The following CDH20 variants were observed in gnomAD, a reference collection of about 807,000 sequenced individuals.
CDH20 encodes the protein cadherin 20.
CDH20 carries 29 observed loss-of-function variants against 74.2 expected under a neutral mutation model. That is an observed-to-expected ratio of 0.39 (90% CI 0.29 to 0.53). The LOEUF is 0.53. CDH20 is among the 20% of genes least tolerant of loss of function. The probability of loss-of-function intolerance (pLI) is 0.69; values close to 1 mark genes in which losing one functional copy is unlikely to be tolerated. For missense variants in CDH20, 988 were observed against 1,048.3 expected (o/e 0.94, Z 0.79); for synonymous variants, 469 against 405.4 (o/e 1.16, Z -1.88).
chr18:61,475,067 G>GA (rs138575370), intron 1 of CDH20, among the ~76,000 whole-genome samples: 1,912 of 152,234 alleles, frequency 0.013, 44 homozygotes, highest in African/African-American at 0.044. Flanking sequence ...ATCCATTAGA[G>GA]ACGTTTAGCA....
At chr18:61,359,025 C>T (rs901929236) in intron 1 of CDH20, among the ~76,000 whole-genome samples, 2 of 152,086 alleles carry the variant, frequency 1.3e-5, no homozygotes, top group Non-Finnish European at 2.9e-5. Context: ...TAAGTAGTTC[C>T]TCACAAACAT....
intron 1 of CDH20, among the ~76,000 whole-genome samples, chr18:61,362,191 A>C (rs1910715358): frequency 6.6e-6 from 1 of 152,228 alleles, no homozygotes; most frequent in Non-Finnish European, 1.5e-5. Context: ...AAAATCTAAC[A>C]ACATAGGAAC....
At chr18:61,344,597 T>C (rs1197233055) in intron 1 of CDH20, among the ~76,000 whole-genome samples, 2 of 152,230 alleles carry the variant, frequency 1.3e-5, no homozygotes, top group African/African-American at 4.8e-5. Flanking sequence ...AATTATTTGC[T>C]GCTTTCTGTT....
At chr18:61,366,052 T>C (rs954815923) in intron 1 of CDH20, among the ~76,000 whole-genome samples, 2 of 152,236 alleles carry the variant, frequency 1.3e-5, no homozygotes, top group Admixed American at 1.3e-4. Flanking sequence ...ATGCATTATC[T>C]AATTTGATTT....
intron 1 of CDH20, among the ~76,000 whole-genome samples, chr18:61,425,642 G>A (rs1474495242): frequency 6.6e-6 from 1 of 152,120 alleles, no homozygotes; most frequent in East Asian, 1.9e-4. Flanking sequence ...CTTATAAGTG[G>A]GAGCTAAGCT....
intron 1 of CDH20, among the ~76,000 whole-genome samples, chr18:61,404,508 C>T (rs1345372410): frequency 6.6e-6 from 1 of 152,088 alleles, no homozygotes; most frequent in Non-Finnish European, 1.5e-5. Context: ...CAGAGTAGAT[C>T]TGTAGGGAGC....
intron 7 of CDH20, 51 bp from the exon 8 acceptor site, chr18:61,536,442 G>C (rs754067410): frequency 1.9e-6 from 3 of 1,541,542 alleles, no homozygotes; most frequent in Non-Finnish European, 2.7e-6. Flanking sequence ...GTGGTATGCT[G>C]TCATATGCTT....
At chr18:61,497,144 C>G (rs188717854) in intron 2 of CDH20, among the ~76,000 whole-genome samples, 2 of 147,230 alleles carry the variant, frequency 1.4e-5, no homozygotes, top group Non-Finnish European at 3.0e-5. Context: ...ATACTGTATA[C>G]GAAATGAGGA....
At chr18:61,378,467 C>T (rs945527833) in intron 1 of CDH20, among the ~76,000 whole-genome samples, 13 of 152,296 alleles carry the variant, frequency 8.5e-5, no homozygotes, top group Admixed American at 2.0e-4. Flanking sequence ...AGGCATCCAA[C>T]GGATTAGATG....
rs930486922 is a variant in CDH20 at position 61,466,964 on chromosome 18, T to C, written c.-152-23438T>C. ...TCCCTTCCATACTCCCAGCAAACAA[T>C]GTGCTTGGCCTGGCTTGGCTCAGTG... On this transcript the variant is annotated intron_variant, in intron 1 of 11. Coordinates refer to ENST00000262717, the MANE Select transcript of CDH20 (RefSeq NM_031891.4). Among the ~76,000 whole-genome samples the C allele has an allele frequency of 2.6e-5, 4 of 152,062 alleles. No homozygotes were observed. The East Asian group carries it at 7.7e-4, about 29-fold the overall frequency.
At chr18:61,541,677 C>T (rs999072271) in intron 9 of CDH20, among the ~76,000 whole-genome samples, 1 of 152,086 alleles carries the variant, frequency 6.6e-6, no homozygotes, top group Non-Finnish European at 1.5e-5. Flanking sequence ...TTTTCAAAAG[C>T]ATACAGCTCA....
chr18:61,484,043 G>A (rs910757012), intron 1 of CDH20, among the ~76,000 whole-genome samples: 4 of 152,208 alleles, frequency 2.6e-5, no homozygotes, highest in African/African-American at 9.6e-5. Context: ...AAGGAAAACT[G>A]CAGGATTTTC....
chr18:61,378,130 C>T (rs1911306832), intron 1 of CDH20, among the ~76,000 whole-genome samples: 1 of 152,014 alleles, frequency 6.6e-6, no homozygotes, highest in African/African-American at 2.4e-5. Flanking sequence ...TCATTCTACC[C>T]CAGGAGCAGA....
chr18:61,444,593 G>C (rs1201951111), intron 1 of CDH20, among the ~76,000 whole-genome samples: 1 of 152,138 alleles, frequency 6.6e-6, no homozygotes, highest in Non-Finnish European at 1.5e-5. Flanking sequence ...ATCTGTCTGA[G>C]GAAGGTCAAG....
rs78630774 is a variant in CDH20, at chr18:61,373,601, A to G, written c.-153+39774A>G. 1.0e-3 allele frequency among the ~76,000 whole-genome samples: 152 copies of G among 152,220 alleles called. 4 individuals are homozygous for G. In the East Asian group the frequency reaches 0.024, roughly 24 times the overall value. On this transcript the variant is annotated intron_variant, in intron 1 of 11. Coordinates refer to ENST00000262717, the MANE Select transcript of CDH20 (RefSeq NM_031891.4). ...ATTCCCCACCATATGTGTGTATGGG[A>G]CCAAGTCTTTAATGAAGGCTCAGGG...
intron 1 of CDH20, among the ~76,000 whole-genome samples, chr18:61,372,507 C>T (rs8084568): frequency 0.072 from 10,962 of 152,102 alleles, 475 homozygotes; most frequent in Non-Finnish European, 0.1. Flanking sequence ...GCAATATCTA[C>T]CCCAGTAAGA....
intron 1 of CDH20, among the ~76,000 whole-genome samples, chr18:61,380,344 A>C (rs1384941826): frequency 6.6e-6 from 1 of 152,216 alleles, no homozygotes; most frequent in Non-Finnish European, 1.5e-5. Context: ...TTCAAACCGC[A>C]CATATATATT....
chr18:61,476,924 T>C (rs1380427074), intron 1 of CDH20, among the ~76,000 whole-genome samples: 1 of 152,210 alleles, frequency 6.6e-6, no homozygotes, highest in African/African-American at 2.4e-5. Context: ...AATGATCTTA[T>C]CAGAGGCTAA....
At chr18:61,424,419 A>G (rs1214829274) in intron 1 of CDH20, among the ~76,000 whole-genome samples, 1 of 152,194 alleles carries the variant, frequency 6.6e-6, no homozygotes, top group Non-Finnish European at 1.5e-5. Flanking sequence ...TGTCTCTCTG[A>G]GCATTGGAAA....
Sources: gnomAD v4.1 joint callset for allele counts (sites outside exome capture counted in the v4.1 genomes callset) on GRCh38, gnomAD v4.1.1 for gene constraint, MANE v1.5 for transcripts, NCBI Gene and HGNC (gene_info 2026-07-23, HGNC 2026-07-21) for gene names.